MAP1LC3C: variants seen among roughly 807,000 people sequenced by gnomAD.
MAP1LC3C encodes the protein microtubule-associated protein 1 light chain 3 gamma.
MAP1LC3C carries 12 observed loss-of-function variants against 10.4 expected under a neutral mutation model. The ratio of observed to expected loss-of-function variants is 1.15; its 90% CI spans 0.74 to 1.86. The LOEUF is 1.86. Ranked by LOEUF, MAP1LC3C falls within the 40% of genes most tolerant of loss-of-function variation. The pLI is 0.00. For synonymous variants in MAP1LC3C, 70 were observed against 69.0 expected (o/e 1.01, Z -0.07); for missense variants, 177 against 185.7 (o/e 0.95, Z 0.27).
intron 3 of MAP1LC3C, among the ~76,000 whole-genome samples, chr1:241,997,302 A>G (rs1482341842): frequency 6.6e-6 from 1 of 152,172 alleles, no homozygotes; most frequent in Non-Finnish European, 1.5e-5. Context: ...CTCTTAACTC[A>G]GTAAAACAAA....
In MAP1LC3C at chr1:241,996,319, G is replaced by A. The variant is rs1326943458; in HGVS notation, c.288C>T (p.Ser96=). The A allele has an allele frequency of 1.9e-6, 3 of 1,613,836 alleles. No individual in the cohort carries two copies. The highest frequency in any genetic ancestry group is 2.2e-5 in the East Asian group (1 of 44,862). ...YLLVNNKSLV[S]MSATMAEIYR... is the part of the protein sequence containing the mutation. The stretch of plus-strand genomic sequence containing the variant: ...AGATCTCTGCCATGGTTGCGCTCAT[G>A]CTGACCAGGCTCTTGTTGTTCACCA... The change falls in exon 4 of 4, where the codon AGC becomes AGT. Residue 96 remains serine, a synonymous_variant. Transcript: ENST00000357246.
In MAP1LC3C at chr1:241,995,977, G is replaced by A. The variant is rs1665075507; in HGVS notation, c.*186C>T. On this transcript the variant is annotated 3_prime_UTR_variant, in exon 4 of 4. Coordinates refer to ENST00000357246, the MANE Select transcript of MAP1LC3C (RefSeq NM_001004343.3). Reference sequence around the variant, plus strand: ...AGAGCAGCCCACATTTTTCTTAGAAGGACACAAGAACACGGAGCACAAAAA... The same window carrying A: ...AGAGCAGCCCACATTTTTCTTAGAAAGACACAAGAACACGGAGCACAAAAA... The A allele has an allele frequency of 2.0e-6, 1 of 504,036 alleles. No individual in the cohort carries two copies. Among genetic ancestry groups the A allele is most frequent in the Admixed American group, 3.3e-5 (1 of 30,718 alleles). 31.2% of individuals were successfully genotyped at this position (504,036 alleles called of 1,614,324 possible).
rs537701934 is a variant in MAP1LC3C at position 241,996,058 on chromosome 1, G to T, written c.*105C>A. The T allele has an allele frequency of 6.0e-6, 6 of 1,006,460 alleles. No homozygotes were observed. Among genetic ancestry groups the T allele is most frequent in the African/African-American group, 4.8e-5 (3 of 62,126 alleles). The allele number at this position is 1,006,460 out of a possible 1,614,324, so 62.3% of individuals were successfully genotyped here. A position where few individuals can be genotyped will look rare whatever the true frequency, so the allele number is the denominator to read the frequency against. On this transcript the variant is annotated 3_prime_UTR_variant, in exon 4 of 4. Coordinates refer to ENST00000357246, the MANE Select transcript of MAP1LC3C (RefSeq NM_001004343.3). ...CACTGGTTGGAGCTGATCACCCCAG[G>T]CATCCCTGCTTCTCAGACTCCTCCA...
upstream of MAP1LC3C, among the ~76,000 whole-genome samples, chr1:242,000,779 G>A (rs189419486): frequency 1.4e-3 from 207 of 152,184 alleles, no homozygotes; most frequent in African/African-American, 4.8e-3. Context: ...GGGTTTTTAC[G>A]GAGGCTTCAT....
upstream of MAP1LC3C, among the ~76,000 whole-genome samples, chr1:242,000,705 G>A (rs1665180311): frequency 6.6e-6 from 1 of 152,176 alleles, no homozygotes; most frequent in South Asian, 2.1e-4. Flanking sequence ...AGCGAGGTAT[G>A]GGGGAAGGGC....
At chr1:241,998,687 G>C (rs753246250) in intron 2 of MAP1LC3C, 67 bp from the exon 3 acceptor site, 2 of 1,608,256 alleles carry the variant, frequency 1.2e-6, no homozygotes, top group Non-Finnish European at 1.7e-6. Context: ...AACAGACAGA[G>C]GGAAGCTGTT....
Position 241,996,245 on chromosome 1 carries a change from G to C in MAP1LC3C, c.362C>G (p.Ser121Cys). The stretch of plus-strand genomic sequence containing the variant: ...CTCCAGGCAGCCAAATGTCTCCTGG[G>C]AGGCGTAGGTCATGTACACGAAGCC... ...EDGFVYMTYA[S>C]QETFGCLESA... Residue 121 changes from serine to cysteine, a missense_variant, in exon 4 of 4, where the codon TCC becomes TGC. Physicochemically the swap from Ser to Cys is moderately radical, Grantham distance 112. Coordinates refer to ENST00000357246, the MANE Select transcript of MAP1LC3C (RefSeq NM_001004343.3). 1 of 1,614,172 alleles carries C rather than the reference G, an allele frequency of 6.2e-7. No individual in the cohort carries two copies. Among genetic ancestry groups the C allele is most frequent in the Non-Finnish European group, 8.5e-7 (1 of 1,180,042 alleles).
At chr1:241,999,747 TGTA>T (rs1665159423), upstream of MAP1LC3C, among the ~76,000 whole-genome samples, 1 of 152,112 alleles carries the variant, frequency 6.6e-6, no homozygotes, top group African/African-American at 2.4e-5. Context: ...ATGCGGAGGT[TGTA>T]GTGAGCTCAG....
chr1:242,001,178 G>T (rs1197355092), upstream of MAP1LC3C, among the ~76,000 whole-genome samples: 2 of 152,164 alleles, frequency 1.3e-5, no homozygotes, highest in Non-Finnish European at 2.9e-5. Flanking sequence ...TAGGGAGACT[G>T]AGGTAGGAGA....
At position 241,998,802 on chromosome 1, in the gene MAP1LC3C, G is replaced by T. The variant is rs1350333960; in HGVS notation, c.88C>A (p.Arg30=). 21 of 1,613,990 alleles carry T rather than the reference G, an allele frequency of 1.3e-5. No individual in the cohort carries two copies. Among genetic ancestry groups the T allele is most frequent in the Non-Finnish European group, 1.8e-5 (21 of 1,180,016 alleles). ...AIRQEEVAGI[R]AKFPNKIPVV... is the part of the protein sequence containing the mutation. ...GGGATTTTGTTGGGGAACTTTGCCCGGATTCCAGCAACTTCCTCTTGTCTG... is the reference window on the plus strand; with the variant it reads ...GGGATTTTGTTGGGGAACTTTGCCCTGATTCCAGCAACTTCCTCTTGTCTG... Residue 30 remains arginine, a synonymous_variant, in exon 2 of 4, where the codon CGG becomes AGG. Coordinates refer to ENST00000357246, the MANE Select transcript of MAP1LC3C (RefSeq NM_001004343.3).
intron 3 of MAP1LC3C, among the ~76,000 whole-genome samples, chr1:241,997,382 C>T (rs1430292360): frequency 6.6e-6 from 1 of 151,992 alleles, no homozygotes; most frequent in Non-Finnish European, 1.5e-5. Context: ...TAGCCGGGCA[C>T]GGTGGTGCTT....
Position 241,998,985 on chromosome 1 carries a change from T to C in MAP1LC3C, c.24A>G (p.Pro8=). 1 of 1,610,038 alleles carries C rather than the reference T, an allele frequency of 6.2e-7. No individual in the cohort carries two copies. The highest frequency in any genetic ancestry group is 8.5e-7 in the Non-Finnish European group (1 of 1,179,204). MPPPQKI[P]SVRPFKQRKS... is the part of the protein sequence containing the mutation. ...TCCTCTGCTTGAAGGGTCTGACGCT[T>C]GGGATTTTCTGTGGAGGCGGCATTG... The change falls in exon 1 of 4, where the codon CCA becomes CCG. Residue 8 remains proline, a synonymous_variant. Coordinates refer to ENST00000357246, the MANE Select transcript of MAP1LC3C (RefSeq NM_001004343.3).
upstream of MAP1LC3C, among the ~76,000 whole-genome samples, chr1:242,001,258 C>A (rs953988870): frequency 1.3e-5 from 2 of 151,742 alleles, no homozygotes; most frequent in African/African-American, 4.8e-5. Context: ...GCCTGGGCAA[C>A]GGAGCGAGAC....
chr1:241,995,935 T>C lies in MAP1LC3C; in HGVS notation c.*228A>G, dbSNP rs1248030518. The stretch of plus-strand genomic sequence containing the variant: ...CCCTGTTTCAAAAAAAAAAAAATGA[T>C]AATTATATAACTTTCAAGAGCAGCC... On this transcript the variant is annotated 3_prime_UTR_variant, in exon 4 of 4. Transcript: ENST00000357246. 2 of 404,298 alleles carry C rather than the reference T, an allele frequency of 4.9e-6. No homozygotes were observed. Among genetic ancestry groups the C allele is most frequent in the Admixed American group, 3.9e-5 (1 of 25,844 alleles). The allele number at this position is 404,298 out of a possible 1,614,324, so 25.0% of individuals were successfully genotyped here.
At chr1:241,996,665 C>G (rs962573164) in intron 3 of MAP1LC3C, among the ~76,000 whole-genome samples, 3 of 151,920 alleles carry the variant, frequency 2.0e-5, no homozygotes, top group African/African-American at 7.2e-5. Context: ...GCTCACACCT[C>G]TAATCCCAGC....
In MAP1LC3C at chr1:241,996,281, T is replaced by C. The variant is rs761298363; in HGVS notation, c.326A>G (p.Lys109Arg). The change falls in exon 4 of 4, where the codon AAG (lysine) becomes AGG (arginine). Residue 109 changes from lysine (K) to arginine (R), a missense_variant. Lys to Arg is a conservative substitution (Grantham distance 26). Transcript: ENST00000357246. Reference sequence around the variant, plus strand: ...CATGTACACGAAGCCATCCTCATCCTTGTAGTCTCTGTAGATCTCTGCCAT... The same window carrying C: ...CATGTACACGAAGCCATCCTCATCCCTGTAGTCTCTGTAGATCTCTGCCAT... ...ATMAEIYRDY[K>R]DEDGFVYMTY... The C allele has an allele frequency of 4.3e-6, 7 of 1,614,180 alleles. No homozygotes were observed. In the Admixed American group the frequency reaches 1.0e-4, roughly 23 times the overall value.
Position 241,999,023 on chromosome 1 carries a change from G to GT in MAP1LC3C, c.-16dup. The GT allele has an allele frequency of 6.3e-7, 1 of 1,592,854 alleles. No homozygotes were observed. Among genetic ancestry groups the GT allele is most frequent in the Non-Finnish European group, 8.5e-7 (1 of 1,174,980 alleles). ...GGAGGCGGCATTGCACTCAGTAGCT[G>GT]TGTCTGTTTTAAAAAAGAAAAAAAA... On this transcript the variant is annotated 5_prime_UTR_variant, in exon 1 of 4. Transcript: ENST00000357246.
intron 3 of MAP1LC3C, among the ~76,000 whole-genome samples, chr1:241,996,909 C>A (rs200024554): frequency 7.5e-4 from 32 of 42,760 alleles, no homozygotes; most frequent in South Asian, 2.4e-3. Context: ...GACTGCGTCT[C>A]AAAAAAAAAA....
chr1:241,997,989 G>T (rs1665118805), intron 3 of MAP1LC3C, among the ~76,000 whole-genome samples: 1 of 149,312 alleles, frequency 6.7e-6, no homozygotes, highest in Non-Finnish European at 1.5e-5. Flanking sequence ...TTGTCTGAGG[G>T]ATTCTCCTTA....
Sources: gnomAD v4.1 joint callset for allele counts (sites outside exome capture counted in the v4.1 genomes callset) on GRCh38, gnomAD v4.1.1 for gene constraint, MANE v1.5 for transcripts, NCBI Gene and HGNC (gene_info 2026-07-23, HGNC 2026-07-21) for gene names.